BRWD1: variants seen among roughly 807,000 people sequenced by gnomAD.
BRWD1 encodes bromodomain and WD repeat-containing protein 1.
BRWD1 carries 82 observed loss-of-function variants against 251.2 expected under a neutral mutation model. The ratio of observed to expected loss-of-function variants is 0.33; its 90% CI spans 0.27 to 0.39. The LOEUF (loss-of-function observed/expected upper bound fraction) is 0.39, where lower values mean the gene tolerates loss of function less well. BRWD1 is among the 10% of genes least tolerant of loss of function. The pLI is 1.00. For synonymous variants in BRWD1, 918 were observed against 902.8 expected (o/e 1.02, Z -0.30); for missense variants, 2,233 against 2,711.6 (o/e 0.82, Z 3.92).
chr21:39,200,093 A>C (rs2032033219), intron 39 of BRWD1, 126 bp downstream of exon 39: 1 of 953,040 alleles, frequency 1.0e-6, no homozygotes. Context: ...TTCCTTCCTA[A>C]ATCTAAGGAA....
chr21:39,318,740 C>T (rs956492635), upstream of BRWD1, among the ~76,000 whole-genome samples: 32 of 152,004 alleles, frequency 2.1e-4, no homozygotes, highest in African/African-American at 7.0e-4. Flanking sequence ...GCAGTCCTAC[C>T]GCTGAGTACT....
chr21:39,309,824 CAAAA>C (rs10709480), intron 4 of BRWD1, among the ~76,000 whole-genome samples: 10 of 75,234 alleles, frequency 1.3e-4, no homozygotes, highest in African/African-American at 3.9e-4. Context: ...GACTCCGTCT[CAAAA>C]AAAAAAAAAA....
At position 39,191,090 on chromosome 21, in the gene BRWD1, G is replaced by A. The variant is rs1326611070; in HGVS notation, c.*5169C>T. 1 of 985,122 alleles carries A rather than the reference G, an allele frequency of 1.0e-6. No individual in the cohort carries two copies. Among genetic ancestry groups the A allele is most frequent in the East Asian group, 1.1e-4 (1 of 8,822 alleles). The allele number at this position is 985,122 out of a possible 1,614,324, so 61.0% of individuals were successfully genotyped here. ...TAACTGCTTAATTTGCTTTTTAGAA[G>A]CAATACCTTAAGAGCATTTCACACT... is the stretch of plus-strand genomic sequence containing the variant. On this transcript the variant is annotated 3_prime_UTR_variant, in exon 41 of 41. Transcript: ENST00000342449.
At chr21:39,291,805 CAT>C (rs1349106987) in intron 8 of BRWD1, among the ~76,000 whole-genome samples, 1 of 152,222 alleles carries the variant, frequency 6.6e-6, no homozygotes, top group African/African-American at 2.4e-5. Flanking sequence ...CCATCCCACA[CAT>C]GTAATAACGT....
intron 31 of BRWD1, among the ~76,000 whole-genome samples, chr21:39,216,149 T>TAA (rs1215857362): frequency 6.6e-6 from 1 of 152,188 alleles, no homozygotes; most frequent in African/African-American, 2.4e-5. Flanking sequence ...TATAATTTCT[T>TAA]AAAGTAGTTG....
intron 36 of BRWD1, 131 bp downstream of exon 36, chr21:39,209,864 T>C: frequency 1.2e-6 from 1 of 864,882 alleles, no homozygotes; most frequent in Non-Finnish European, 1.6e-6. Flanking sequence ...AGTCTTAATT[T>C]ATTCACTTAT....
intron 36 of BRWD1, among the ~76,000 whole-genome samples, chr21:39,207,451 A>AACACACACACACACACAC (rs58765400): frequency 0.026 from 3,438 of 131,194 alleles, 59 homozygotes; most frequent in Middle Eastern, 0.037. Flanking sequence ...AAAAAAAGAA[A>AACACACACACACACACAC]ACACACACAC....
In BRWD1 at chr21:39,194,544, GA is replaced by G. The variant is rs2031712072; in HGVS notation, c.*1714del. ...TGATAGCTCTCTAAGCCACAAATGA[GA>G]GGAGGTTTCCCACCTATCTCAGTTG... is the stretch of plus-strand genomic sequence containing the variant. On this transcript the variant is annotated 3_prime_UTR_variant, in exon 41 of 41. Transcript: ENST00000342449. The G allele has an allele frequency of 3.5e-6, 5 of 1,441,960 alleles. No homozygotes were observed. Among genetic ancestry groups the G allele is most frequent in the Non-Finnish European group, 4.5e-6 (5 of 1,104,120 alleles). The allele number at this position is 1,441,960 out of a possible 1,614,324, so 89.3% of individuals were successfully genotyped here. A position where few individuals can be genotyped will look rare whatever the true frequency, so the allele number is the denominator to read the frequency against.
chr21:39,207,830 A>G (rs887940050), intron 36 of BRWD1, among the ~76,000 whole-genome samples: 10 of 152,272 alleles, frequency 6.6e-5, no homozygotes, highest in African/African-American at 2.2e-4. Flanking sequence ...AATGGAATAA[A>G]GTTCTGATAC....
intron 4 of BRWD1, among the ~76,000 whole-genome samples, chr21:39,299,449 A>G (rs896982519): frequency 7.9e-5 from 12 of 152,194 alleles, no homozygotes; most frequent in Non-Finnish European, 1.5e-4. Context: ...GCCAGGAGCC[A>G]TAAGTGGATA....
chr21:39,233,741 C>T (rs561069421), intron 23 of BRWD1, among the ~76,000 whole-genome samples: 39 of 152,300 alleles, frequency 2.6e-4, no homozygotes, highest in African/African-American at 9.4e-4. Context: ...GTAGCTTGGC[C>T]GGGCGCCATG....
intron 17 of BRWD1, among the ~76,000 whole-genome samples, chr21:39,261,374 ACAG>A (rs2034739004): frequency 6.6e-6 from 1 of 152,218 alleles, no homozygotes; most frequent in African/African-American, 2.4e-5. Flanking sequence ...GCCAGAATAC[ACAG>A]CAGAAGTGCT....
chr21:39,267,354 G>A (rs187969400), intron 15 of BRWD1, among the ~76,000 whole-genome samples: 2 of 152,280 alleles, frequency 1.3e-5, no homozygotes, highest in African/African-American at 4.8e-5. Context: ...CCAGCACTTT[G>A]GGAGGCCGAG....
At chr21:39,251,555 A>G (rs1486162875) in intron 19 of BRWD1, among the ~76,000 whole-genome samples, 1 of 152,252 alleles carries the variant, frequency 6.6e-6, no homozygotes, top group Non-Finnish European at 1.5e-5. Context: ...AGGTATAACT[A>G]GACACTCAAC....
At chr21:39,211,378 A>C (rs1205478588) in intron 34 of BRWD1, among the ~76,000 whole-genome samples, 3 of 152,236 alleles carry the variant, frequency 2.0e-5, no homozygotes, top group African/African-American at 4.8e-5. Context: ...TTGAGATGAA[A>C]GATTATCTTG....
chr21:39,315,747 TA>T (rs34848319), upstream of BRWD1: 75,071 of 149,524 alleles, frequency 0.5, 18,917 homozygotes, highest in African/African-American at 0.56. Context: ...TGATGGAGAT[TA>T]AAAAAAAAAA....
intron 19 of BRWD1, among the ~76,000 whole-genome samples, chr21:39,251,201 T>C (rs2034382277): frequency 6.6e-6 from 1 of 152,140 alleles, no homozygotes; most frequent in African/African-American, 2.4e-5. Context: ...AGATTGCAAT[T>C]CCTTTCTCTA....
intron 17 of BRWD1, among the ~76,000 whole-genome samples, chr21:39,263,268 G>C (rs978910635): frequency 1.3e-5 from 2 of 152,132 alleles, no homozygotes; most frequent in African/African-American, 4.8e-5. Flanking sequence ...TTTAGTTTCA[G>C]TAAATCCTCA....
intron 29 of BRWD1, among the ~76,000 whole-genome samples, chr21:39,223,975 A>G (rs2033282734): frequency 6.6e-6 from 1 of 152,122 alleles, no homozygotes; most frequent in Non-Finnish European, 1.5e-5. Context: ...CAGCCTCCCA[A>G]GTAGCTGGGA....
Sources: gnomAD v4.1 joint callset for allele counts (sites outside exome capture counted in the v4.1 genomes callset) on GRCh38, gnomAD v4.1.1 for gene constraint, MANE v1.5 for transcripts, NCBI Gene and HGNC (gene_info 2026-07-23, HGNC 2026-07-21) for gene names.